RGS7: variants seen among roughly 807,000 people sequenced by gnomAD.
RGS7 encodes the protein regulator of G-protein signaling 7.
RGS7 carries 27 observed loss-of-function variants against 81.1 expected under a neutral mutation model. The ratio of observed to expected loss-of-function variants is 0.33; its 90% CI spans 0.25 to 0.46. RGS7 has a LOEUF of 0.46. RGS7 is among the 20% of genes least tolerant of loss of function. RGS7 has a pLI of 1.00. For synonymous variants in RGS7, 208 were observed against 207.7 expected, an observed-to-expected ratio of 1.00 and a Z score of -0.01; for missense variants, 396 against 607.4, an observed-to-expected ratio of 0.65 and a Z score of 3.66.
chr1:241,162,609 C>CT lies in RGS7; in HGVS notation c.79-63848dup, dbSNP rs543364815. On this transcript the variant is annotated intron_variant, in intron 2 of 18. Coordinates refer to ENST00000440928, the MANE Select transcript of RGS7 (RefSeq NM_001364886.1). The stretch of plus-strand genomic sequence containing the variant: ...CTGCCCTAAAGCTTTTTAAACAACT[C>CT]TGACTCCTGCTCTAAAACTTGCCTG... Among the ~76,000 whole-genome samples, 829 of 152,316 alleles carry CT rather than the reference C, an allele frequency of 5.4e-3. 6 individuals carry two copies. Among genetic ancestry groups the CT allele is most frequent in the Non-Finnish European group, 8.5e-3 (576 of 68,034 alleles).
At chr1:241,106,917 C>A (rs2102930390) in intron 2 of RGS7, among the ~76,000 whole-genome samples, 1 of 147,808 alleles carries the variant, frequency 6.8e-6, no homozygotes, top group Middle Eastern at 3.5e-3. Flanking sequence ...TTAAATAAAT[C>A]ATTTCTCTCA....
chr1:240,832,926 C>A (rs1331626276), intron 9 of RGS7, among the ~76,000 whole-genome samples: 1 of 152,040 alleles, frequency 6.6e-6, no homozygotes, highest in Non-Finnish European at 1.5e-5. Flanking sequence ...CTGCCCACCC[C>A]CACAAAAGAG....
chr1:241,103,052 T>C (rs1224545445), intron 2 of RGS7, among the ~76,000 whole-genome samples: 1 of 146,460 alleles, frequency 6.8e-6, no homozygotes, highest in East Asian at 2.0e-4. Context: ...CAGTAAGAGG[T>C]ATGAGGGATA....
At position 241,306,750 on chromosome 1, in the gene RGS7, C is replaced by T. The variant is rs115711709; in HGVS notation, c.78+48949G>A. Among the ~76,000 whole-genome samples the T allele has an allele frequency of 3.1e-3, 470 of 152,014 alleles. 3 individuals are homozygous for T. The highest frequency in any genetic ancestry group is 8.2e-3 in the African/African-American group (341 of 41,458). Reference sequence around the variant, plus strand: ...ACACTTATGCACACGTCCCCACACTCGCACACATACGCACACACCTTTACA... The same window carrying T: ...ACACTTATGCACACGTCCCCACACTTGCACACATACGCACACACCTTTACA... On this transcript the variant is annotated intron_variant, in intron 2 of 18. Coordinates refer to ENST00000440928, the MANE Select transcript of RGS7 (RefSeq NM_001364886.1).
chr1:241,162,538 T>C (rs897458608), intron 2 of RGS7, among the ~76,000 whole-genome samples: 7 of 152,154 alleles, frequency 4.6e-5, no homozygotes, highest in African/African-American at 7.2e-5. Context: ...ATCTCTCAAG[T>C]CACCCACTTG....
intron 3 of RGS7, among the ~76,000 whole-genome samples, chr1:241,032,357 G>A (rs61531854): frequency 0.19 from 29,564 of 152,006 alleles, 3,954 homozygotes; most frequent in African/African-American, 0.37. Flanking sequence ...TACCAGTACC[G>A]TGCTGTTTTG....
chr1:241,163,555 A>G lies in RGS7; in HGVS notation c.79-64793T>C, dbSNP rs2069911622. Among the ~76,000 whole-genome samples the G allele has an allele frequency of 6.6e-6, 1 of 150,618 alleles. No homozygotes were observed. The highest frequency in any genetic ancestry group is 2.4e-5 in the African/African-American group (1 of 40,978). Reference sequence around the variant, plus strand: ...ACACCTTTGAAGGTCTGAAAGAAACATTTACCATCTATTCTCTCTGAGGGC... The same window carrying G: ...ACACCTTTGAAGGTCTGAAAGAAACGTTTACCATCTATTCTCTCTGAGGGC... On this transcript the variant is annotated intron_variant, in intron 2 of 18. Coordinates refer to ENST00000440928, the MANE Select transcript of RGS7 (RefSeq NM_001364886.1). This position sits in a 1 kb window ranked among gnomAD's most constrained non-coding sequence, Gnocchi z 4.6.
chr1:241,301,897 GTAGT>G (rs1212776548), intron 2 of RGS7, among the ~76,000 whole-genome samples: 7 of 152,190 alleles, frequency 4.6e-5, no homozygotes, highest in African/African-American at 9.6e-5. Context: ...TTTAAATGTA[GTAGT>G]TAGTGCAAAT....
intron 18 of RGS7, among the ~76,000 whole-genome samples, chr1:240,800,340 T>G (rs939107628): frequency 2.6e-5 from 4 of 152,188 alleles, no homozygotes; most frequent in African/African-American, 9.6e-5. Flanking sequence ...GCAATCACAT[T>G]GAATGTTCAC....
Position 240,899,213 on chromosome 1 carries a change from A to G in RGS7, c.386-29094T>C, listed in dbSNP as rs1317620882. 3.9e-5 allele frequency among the ~76,000 whole-genome samples: 6 copies of G among 152,276 alleles called. No homozygotes were observed. The East Asian group carries it at 1.2e-3, about 29-fold the overall frequency. ...GAGACGGGTCTCCTGAATACAGCAC[A>G]CTGATGGGTCTTGACTCTTTATCCA... On this transcript the variant is annotated intron_variant, in intron 6 of 18. Transcript: ENST00000440928.
At chr1:241,266,142 G>C (rs2077582000) in intron 2 of RGS7, among the ~76,000 whole-genome samples, 1 of 152,118 alleles carries the variant, frequency 6.6e-6, no homozygotes, top group Admixed American at 6.5e-5. Context: ...AGGCTGAATA[G>C]AGCTGATCTG....
intron 9 of RGS7, among the ~76,000 whole-genome samples, chr1:240,837,390 C>T (rs1468512641): frequency 6.6e-6 from 1 of 152,206 alleles, no homozygotes; most frequent in Non-Finnish European, 1.5e-5. Flanking sequence ...AAAAAAGTCT[C>T]TCTTAGATTT....
At chr1:241,342,021 C>T (rs750624179) in intron 2 of RGS7, among the ~76,000 whole-genome samples, 6 of 151,886 alleles carry the variant, frequency 4.0e-5, no homozygotes, top group Admixed American at 6.6e-5. Flanking sequence ...ATTACAGGCC[C>T]GTACCACCAC....
intron 9 of RGS7, among the ~76,000 whole-genome samples, chr1:240,865,606 A>C (rs1663095872): frequency 6.6e-6 from 1 of 152,264 alleles, no homozygotes; most frequent in East Asian, 1.9e-4. Flanking sequence ...GACTATGAAG[A>C]AGAAACTGAG....
chr1:241,016,114 A>G (rs1223994340), intron 3 of RGS7, among the ~76,000 whole-genome samples: 1 of 152,252 alleles, frequency 6.6e-6, no homozygotes, highest in Admixed American at 6.5e-5. Context: ...TATTGGCAGA[A>G]ATCCTGTGTG....
chr1:241,019,147 C>T (rs2059418040), intron 3 of RGS7, among the ~76,000 whole-genome samples: 2 of 152,098 alleles, frequency 1.3e-5, no homozygotes, highest in Admixed American at 6.6e-5. Flanking sequence ...GGTCTGCCCT[C>T]AGTTTCCAGA....
intron 6 of RGS7, among the ~76,000 whole-genome samples, chr1:240,928,823 C>T (rs938846835): frequency 6.6e-6 from 1 of 151,994 alleles, no homozygotes; most frequent in African/African-American, 2.4e-5. Flanking sequence ...GTTGGCCAGG[C>T]TGGTCTCAAA....
intron 6 of RGS7, among the ~76,000 whole-genome samples, chr1:240,918,614 T>C (rs12095663): frequency 0.062 from 9,391 of 152,012 alleles, 968 homozygotes; most frequent in African/African-American, 0.21. Flanking sequence ...TAGAAGGAAG[T>C]TGAATGCATA....
chr1:240,940,434 A>G (rs1423826850), intron 4 of RGS7, among the ~76,000 whole-genome samples: 1 of 152,108 alleles, frequency 6.6e-6, no homozygotes, highest in East Asian at 1.9e-4. Context: ...TGACTTCCTT[A>G]CACCTGTTAG....
Sources: allele counts gnomAD v4.1 joint callset (sites outside exome capture counted in the v4.1 genomes callset), GRCh38; gene constraint gnomAD v4.1.1; non-coding constraint Gnocchi (gnomAD v3.1); transcripts MANE v1.5; gene names NCBI Gene and HGNC (gene_info 2026-07-23, HGNC 2026-07-21).